Variants in MEF2C observed in about 807,000 individuals in gnomAD.
The protein encoded by MEF2C is myocyte enhancer factor 2C.
In MEF2C, 6 loss-of-function variants were observed where a neutral mutation model predicts 50.5. The observed-to-expected ratio is 0.12, with a 90% CI of 0.07 to 0.23. The LOEUF is 0.23. Ranked by LOEUF, MEF2C falls within the 10% of genes least tolerant of loss-of-function variation. The probability of loss-of-function intolerance (pLI) is 1.00; values close to 1 mark genes in which losing one functional copy is unlikely to be tolerated. For synonymous variants in MEF2C, 183 were observed against 228.0 expected (o/e 0.80, Z 1.78); for missense variants, 276 against 605.0 (o/e 0.46, Z 5.70).
At chr5:88,734,085 G>T in intron 6 of MEF2C, 1 of 984,884 alleles carries the variant, frequency 1.0e-6, no homozygotes, top group Non-Finnish European at 1.2e-6. Context: ...TTGACAAAAT[G>T]GAGTGCTTAG....
intron 1 of MEF2C, among the ~76,000 whole-genome samples, chr5:88,891,512 C>T (rs529586123): frequency 1.5e-4 from 23 of 150,568 alleles, no homozygotes; most frequent in African/African-American, 5.1e-4. Context: ...ATGCCATTCT[C>T]CTGCCTCAGC....
intron 3 of MEF2C, among the ~76,000 whole-genome samples, chr5:88,783,605 G>C (rs1789328012): frequency 1.3e-5 from 2 of 152,028 alleles, no homozygotes; most frequent in South Asian, 2.1e-4. Context: ...ACTCCAGCCT[G>C]GGCAACAAGA....
intron 2 of MEF2C, among the ~76,000 whole-genome samples, chr5:88,814,871 C>G (rs545485050): frequency 6.6e-6 from 1 of 152,086 alleles, no homozygotes; most frequent in South Asian, 2.1e-4. Context: ...GAAGGATGAC[C>G]GAAAATTGTT....
intron 1 of MEF2C, among the ~76,000 whole-genome samples, chr5:88,831,124 G>C (rs773330200): frequency 6.6e-6 from 1 of 151,916 alleles, no homozygotes; most frequent in Non-Finnish European, 1.5e-5. Flanking sequence ...CATATTTCAC[G>C]ATTAAAATGG....
Position 88,734,565 on chromosome 5 carries a change from GTTTTTTTTTTTTTT to G in MEF2C, c.638-2678_638-2665del, listed in dbSNP as rs66505441. 81 of 541,940 alleles carry G rather than the reference GTTTTTTTTTTTTTT, an allele frequency of 1.5e-4. No individual in the cohort carries two copies. In the Admixed American group the frequency reaches 4.5e-3, roughly 30 times the overall value. The allele number at this position is 541,940 out of a possible 1,614,324, so 33.6% of individuals were successfully genotyped here. On this transcript the variant is annotated intron_variant, in intron 6 of 10. Coordinates refer to ENST00000504921, the MANE Select transcript of MEF2C (RefSeq NM_002397.5). Reference sequence around the variant, plus strand: ...TTCACGGAGGCCTTGAGAAAAGTTTGTTTTTTTTTTTTTTTTTTTTTTTTTTTTTTTTTAGCATT... The same window carrying G: ...TTCACGGAGGCCTTGAGAAAAGTTTGTTTTTTTTTTTTTTTTTTTAGCATT...
intron 2 of MEF2C, among the ~76,000 whole-genome samples, chr5:88,808,497 C>T (rs975565590): frequency 1.3e-5 from 2 of 152,118 alleles, no homozygotes; most frequent in African/African-American, 4.8e-5. Flanking sequence ...ACCAAATAGG[C>T]TGCTGGATAA....
chr5:88,777,724 C>A (rs960592970), intron 3 of MEF2C, among the ~76,000 whole-genome samples: 1 of 151,938 alleles, frequency 6.6e-6, no homozygotes. Flanking sequence ...GTTTTTCCTA[C>A]TATTTTGCTA....
intron 8 of MEF2C, 125 bp downstream of exon 8, chr5:88,730,086 T>G: frequency 1.1e-6 from 1 of 901,742 alleles, no homozygotes. Context: ...TTAATGGTAT[T>G]TAAACATAAT....
chr5:88,787,114 A>C (rs1040846911), intron 3 of MEF2C, among the ~76,000 whole-genome samples: 2 of 147,390 alleles, frequency 1.4e-5, no homozygotes, highest in African/African-American at 5.0e-5. Flanking sequence ...TTGCACATAC[A>C]CTTAATAAAT....
chr5:88,769,917 A>T, intron 3 of MEF2C: 2 of 971,236 alleles, frequency 2.1e-6, no homozygotes, highest in Non-Finnish European at 2.4e-6. Flanking sequence ...AAGTGCTAGG[A>T]TTATGGGCAT....
intron 1 of MEF2C, among the ~76,000 whole-genome samples, chr5:88,864,237 A>C (rs561409173): frequency 6.6e-6 from 1 of 150,850 alleles, no homozygotes; most frequent in African/African-American, 2.4e-5. Context: ...GGTGATAGTT[A>C]TGTTAATTAG....
chr5:88,853,758 G>T (rs1460645260), intron 1 of MEF2C, among the ~76,000 whole-genome samples: 2 of 152,140 alleles, frequency 1.3e-5, no homozygotes, highest in Non-Finnish European at 2.9e-5. Context: ...TGAATCTTCA[G>T]ATATTTACAG....
chr5:88,790,581 C>A (rs988808646), intron 3 of MEF2C, among the ~76,000 whole-genome samples: 2 of 152,144 alleles, frequency 1.3e-5, no homozygotes, highest in African/African-American at 4.8e-5. Flanking sequence ...CCACCAGCAC[C>A]ACAAGCAATA....
chr5:88,752,682 C>T (rs1306653574), intron 4 of MEF2C: 2 of 985,222 alleles, frequency 2.0e-6, no homozygotes, highest in Non-Finnish European at 2.4e-6. Flanking sequence ...TGTGTACCGC[C>T]ACTGACAAAT....
intron 3 of MEF2C, among the ~76,000 whole-genome samples, chr5:88,804,359 G>C (rs914655328): frequency 3.3e-5 from 5 of 152,194 alleles, no homozygotes; most frequent in Non-Finnish European, 7.3e-5. Flanking sequence ...TTTGACACTG[G>C]TACTTGATTT....
At chr5:88,733,073 G>C in intron 6 of MEF2C, 1 of 985,066 alleles carries the variant, frequency 1.0e-6, no homozygotes, top group South Asian at 4.7e-5. Context: ...ACCAATACAA[G>C]GCAGCGTAGG....
At chr5:88,831,034 A>T (rs1006105483) in intron 1 of MEF2C, among the ~76,000 whole-genome samples, 1 of 152,152 alleles carries the variant, frequency 6.6e-6, no homozygotes, top group Non-Finnish European at 1.5e-5. Flanking sequence ...CTATTATGAT[A>T]AAAACATCTA....
At chr5:88,798,545 T>G (rs1796980820) in intron 3 of MEF2C, among the ~76,000 whole-genome samples, 2 of 152,134 alleles carry the variant, frequency 1.3e-5, no homozygotes, top group East Asian at 1.9e-4. Context: ...TCCCTTAACC[T>G]TTTTTCAAGT....
intron 1 of MEF2C, among the ~76,000 whole-genome samples, chr5:88,899,451 C>T (rs1835427548): frequency 6.6e-6 from 1 of 152,124 alleles, no homozygotes; most frequent in South Asian, 2.1e-4. Flanking sequence ...ATGATTTGTA[C>T]AAAATGGCCA....
Sources: allele counts gnomAD v4.1 joint callset (sites outside exome capture counted in the v4.1 genomes callset), GRCh38; gene constraint gnomAD v4.1.1; transcripts MANE v1.5; gene names NCBI Gene and HGNC (gene_info 2026-07-23, HGNC 2026-07-21).